The following TET3 variants were observed in gnomAD, a reference collection of about 807,000 sequenced individuals.
TET3 encodes methylcytosine dioxygenase TET3.
A neutral mutation model predicts 141.4 loss-of-function variants in TET3; 19 were observed. The ratio of observed to expected loss-of-function variants is 0.13; its 90% CI spans 0.09 to 0.20. The LOEUF (loss-of-function observed/expected upper bound fraction) is 0.20. Among genes scored for constraint, TET3 ranks in the 10% least tolerant of loss-of-function variants. The pLI is 1.00. For synonymous variants in TET3, 1,043 were observed against 980.9 expected, an observed-to-expected ratio of 1.06 and a Z score of -1.18; for missense variants, 1,874 against 2,356.9, an observed-to-expected ratio of 0.80 and a Z score of 4.24.
chr2:74,082,928 G>T (rs1173764573), intron 6 of TET3, among the ~76,000 whole-genome samples: 1 of 152,198 alleles, frequency 6.6e-6, no homozygotes, highest in Non-Finnish European at 1.5e-5. Flanking sequence ...AGTGTCTCCT[G>T]TGCATGTCCC....
intron 2 of TET3, among the ~76,000 whole-genome samples, chr2:73,991,292 A>G (rs1376163981): frequency 6.6e-6 from 1 of 151,768 alleles, no homozygotes; most frequent in African/African-American, 2.4e-5. Flanking sequence ...CTTGTTAAAA[A>G]GCAAACTCTG....
At chr2:74,018,510 G>C (rs1476787316) in intron 3 of TET3, among the ~76,000 whole-genome samples, 1 of 152,128 alleles carries the variant, frequency 6.6e-6, no homozygotes. Flanking sequence ...ATAAGATAGG[G>C]ATTGAACTTT....
intron 2 of TET3, among the ~76,000 whole-genome samples, chr2:74,002,232 T>C (rs1301506674): frequency 6.6e-6 from 1 of 152,206 alleles, no homozygotes; most frequent in Non-Finnish European, 1.5e-5. Flanking sequence ...TAAAGGTTCG[T>C]GCTGCCTGGG....
intron 3 of TET3, among the ~76,000 whole-genome samples, chr2:74,040,189 G>C (rs1464895709): frequency 1.3e-5 from 2 of 152,124 alleles, no homozygotes; most frequent in African/African-American, 2.4e-5. Context: ...TCTTAAGAGA[G>C]GGTATGTTCA....
At chr2:74,017,365 T>C (rs1685784026) in intron 3 of TET3, among the ~76,000 whole-genome samples, 1 of 152,224 alleles carries the variant, frequency 6.6e-6, no homozygotes, top group African/African-American at 2.4e-5. Flanking sequence ...GTTTAATGTG[T>C]TAACCAACCT....
downstream of TET3, among the ~76,000 whole-genome samples, chr2:74,111,169 G>C (rs1311603024): frequency 6.6e-6 from 1 of 152,058 alleles, no homozygotes; most frequent in African/African-American, 2.4e-5. Flanking sequence ...GCCCCTTTGT[G>C]ACCTCTTGTC....
chr2:74,091,928 C>T (rs1164195600), intron 8 of TET3, among the ~76,000 whole-genome samples: 4 of 152,194 alleles, frequency 2.6e-5, no homozygotes, highest in Non-Finnish European at 5.9e-5. Context: ...ACATTCTCTG[C>T]TGTCCATACA....
the TET3 span, among the ~76,000 whole-genome samples, chr2:74,132,684 C>G: frequency 6.6e-6 from 1 of 152,158 alleles, no homozygotes; most frequent in African/African-American, 2.4e-5. Context: ...CCACATCTGG[C>G]TGAACTGGAC....
intron 2 of TET3, among the ~76,000 whole-genome samples, chr2:73,992,572 C>T (rs1308149083): frequency 6.6e-5 from 10 of 152,202 alleles, no homozygotes; most frequent in South Asian, 6.2e-4. Context: ...CCTTGGCCTC[C>T]GAAAGTGCTG....
chr2:74,054,667 G>A (rs1688120757), intron 4 of TET3, among the ~76,000 whole-genome samples: 1 of 152,176 alleles, frequency 6.6e-6, no homozygotes, highest in African/African-American at 2.4e-5. Flanking sequence ...AGCTCAAACA[G>A]GAGGCTTTGA....
At chr2:74,021,099 T>C (rs1426243414) in intron 3 of TET3, among the ~76,000 whole-genome samples, 1 of 152,232 alleles carries the variant, frequency 6.6e-6, no homozygotes, top group Non-Finnish European at 1.5e-5. Flanking sequence ...TATTGCTCTA[T>C]CTGCCCCTAT....
intron 2 of TET3, among the ~76,000 whole-genome samples, chr2:73,988,991 T>C (rs1224621140): frequency 9.4e-6 from 1 of 106,550 alleles, no homozygotes; most frequent in South Asian, 2.5e-4. Context: ...AAAAAAAAAG[T>C]TTTTTTTGTT....
the TET3 span, among the ~76,000 whole-genome samples, chr2:74,123,732 G>A: frequency 6.6e-6 from 1 of 151,744 alleles, no homozygotes; most frequent in Non-Finnish European, 1.5e-5. Flanking sequence ...CGTCAGGGAT[G>A]TGAGGAGCCC....
intron 8 of TET3, among the ~76,000 whole-genome samples, chr2:74,090,601 G>A (rs1009344845): frequency 1.3e-5 from 2 of 152,216 alleles, no homozygotes; most frequent in African/African-American, 4.8e-5. Flanking sequence ...TGACCGCTAG[G>A]CACGGCACCT....
intron 4 of TET3, among the ~76,000 whole-genome samples, chr2:74,072,295 C>T (rs192546447): frequency 6.6e-6 from 1 of 152,102 alleles, no homozygotes; most frequent in Non-Finnish European, 1.5e-5. Context: ...AGTGGATCAC[C>T]TGAGGTCAGG....
At chr2:74,032,508 T>TGTGTGTGTGTGTGTGTGG (rs1491152838) in intron 3 of TET3, among the ~76,000 whole-genome samples, 1 of 43,908 alleles carries the variant, frequency 2.3e-5, no homozygotes, top group Non-Finnish European at 4.4e-5. Flanking sequence ...TGTGTGTGTG[T>TGTGTGTGTGTGTGTGTGG]TAGGGGAGTT....
Position 74,105,392 on chromosome 2 carries a change from A to T in TET3, c.*3216A>T. Reference sequence around the variant, plus strand: ...CTGTGCTACGAGATTTTTAAAATAAAAATCGCTTCGCAGCAGGTTCTCACA... The same window carrying T: ...CTGTGCTACGAGATTTTTAAAATAATAATCGCTTCGCAGCAGGTTCTCACA... On this transcript the variant is annotated 3_prime_UTR_variant, in exon 12 of 12. Transcript: ENST00000409262. 1 of 398,606 alleles carries T rather than the reference A, an allele frequency of 2.5e-6. No individual in the cohort carries two copies. 24.7% of individuals were successfully genotyped at this position (398,606 alleles called of 1,614,324 possible). A position where few individuals can be genotyped will look rare whatever the true frequency, so the allele number is the denominator to read the frequency against.
the TET3 span, among the ~76,000 whole-genome samples, chr2:74,117,035 G>A: frequency 6.6e-6 from 1 of 152,152 alleles, no homozygotes; most frequent in Non-Finnish European, 1.5e-5. Flanking sequence ...AGATGGGCAA[G>A]GGGTATGTGA....
chr2:74,059,475 G>T (rs1028586415), intron 4 of TET3, among the ~76,000 whole-genome samples: 2 of 152,164 alleles, frequency 1.3e-5, no homozygotes, highest in African/African-American at 4.8e-5. Flanking sequence ...GGCTGGTCTG[G>T]AACTCCTGAC....
Sources: allele counts gnomAD v4.1 joint callset (sites outside exome capture counted in the v4.1 genomes callset), GRCh38; gene constraint gnomAD v4.1.1; transcripts MANE v1.5; gene names NCBI Gene and HGNC (gene_info 2026-07-23, HGNC 2026-07-21).